Variants in CAST observed in about 807,000 individuals in gnomAD.
CAST encodes calpastatin.
In CAST, 76 loss-of-function variants were observed where a neutral mutation model predicts 119.6. That is an observed-to-expected ratio of 0.64 (90% CI 0.53 to 0.77). The LOEUF is 0.77. CAST is among the 30% of genes least tolerant of loss of function. The pLI is 0.00. For synonymous variants in CAST, 319 were observed against 331.6 expected (o/e 0.96, Z 0.41); for missense variants, 953 against 946.5 (o/e 1.01, Z -0.09).
chr5:96,105,761 G>GGGA, the CAST span, among the ~76,000 whole-genome samples: 1 of 152,198 alleles, frequency 6.6e-6, no homozygotes, highest in Non-Finnish European at 1.5e-5. Context: ...AAATGAGTTA[G>GGGA]GGAGGATTCC....
chr5:96,344,867 C>T, the CAST span, among the ~76,000 whole-genome samples: 12 of 152,128 alleles, frequency 7.9e-5, no homozygotes, highest in African/African-American at 2.7e-4. Flanking sequence ...TTATTGCTTA[C>T]ACAAATAGAG....
the CAST span, chr5:96,421,976 T>G: frequency 1.6e-6 from 1 of 613,350 alleles, no homozygotes. Flanking sequence ...CAACAAAATA[T>G]AACACTGTGG....
At chr5:96,660,047 T>C (rs1029711497), upstream of CAST, among the ~76,000 whole-genome samples, 3 of 152,248 alleles carry the variant, frequency 2.0e-5, no homozygotes, top group Non-Finnish European at 4.4e-5. Flanking sequence ...TATTACCTCT[T>C]ATAGATTTTG....
In CAST at chr5:96,747,175, A is replaced by G. The variant is rs539906448; in HGVS notation, c.1285-170A>G. Among the ~76,000 whole-genome samples, 14 of 152,228 alleles carry G rather than the reference A, an allele frequency of 9.2e-5. 1 individual carries two copies. The highest frequency in any genetic ancestry group is 2.4e-4 in the African/African-American group (10 of 41,538). On this transcript the variant is annotated intron_variant, in intron 17 of 31. Transcript: ENST00000675179. The stretch of plus-strand genomic sequence containing the variant: ...GTAACATCTCGATTTTTATAGCTCA[A>G]CTCCTTTTTTTATACTTTATAAAAA...
At position 96,624,636 on chromosome 5, in the gene CAST, G is replaced by A. The variant is rs188557234; in HGVS notation, c.61-50903G>A. On this transcript the variant is annotated intron_variant, in intron 1 of 11. Transcript: ENST00000505143. ...AATGGGTGGCTGGGGGCACTGTCAC[G>A]TGTCATGAGGCTTCTTAGCATTGCA... Among the ~76,000 whole-genome samples the A allele has an allele frequency of 1.3e-4, 20 of 152,250 alleles. 1 individual carries two copies. In the East Asian group the frequency reaches 3.3e-3, roughly 25 times the overall value.
intron 8 of CAST, among the ~76,000 whole-genome samples, chr5:96,730,375 TA>T (rs1245395254): frequency 2.0e-5 from 3 of 152,252 alleles, no homozygotes; most frequent in Non-Finnish European, 4.4e-5. Flanking sequence ...ACAATGTTGT[TA>T]AAAAATTATT....
At chr5:96,220,089 C>T in the CAST span, among the ~76,000 whole-genome samples, 9 of 152,186 alleles carry the variant, frequency 5.9e-5, no homozygotes, top group Non-Finnish European at 1.5e-5. Context: ...TTTTCCCTGC[C>T]TCTTTGTTGC....
chr5:96,543,198 C>T (rs1170518282), intron 1 of CAST, among the ~76,000 whole-genome samples: 1 of 152,100 alleles, frequency 6.6e-6, no homozygotes. Context: ...GAATACTATG[C>T]AGCCATAAAA....
chr5:96,108,331 TG>T, the CAST span, among the ~76,000 whole-genome samples: 1 of 152,128 alleles, frequency 6.6e-6, no homozygotes, highest in Non-Finnish European at 1.5e-5. Flanking sequence ...TTTTCTGCTC[TG>T]TTTTTTCCCC....
intron 29 of CAST, chr5:96,768,272 A>G (rs989632911): frequency 2.1e-5 from 9 of 427,916 alleles, no homozygotes; most frequent in Non-Finnish European, 2.6e-5. Context: ...TTTTGTAGAG[A>G]GGGGGTTTCG....
the CAST span, among the ~76,000 whole-genome samples, chr5:96,140,101 A>G: frequency 2.0e-5 from 3 of 152,192 alleles, no homozygotes; most frequent in African/African-American, 7.2e-5. Flanking sequence ...CACAGTAGTC[A>G]TTTTGTATTT....
the CAST span, among the ~76,000 whole-genome samples, chr5:96,458,299 A>G: frequency 1.3e-5 from 2 of 152,208 alleles, no homozygotes; most frequent in Non-Finnish European, 2.9e-5. Flanking sequence ...CTTTTACACT[A>G]TGCTGGCAGA....
intron 1 of CAST, among the ~76,000 whole-genome samples, chr5:96,655,557 C>T (rs1237810368): frequency 2.0e-5 from 3 of 152,186 alleles, no homozygotes; most frequent in African/African-American, 7.2e-5. Context: ...AACTGGGATT[C>T]CCCTCTAGAG....
At chr5:95,983,955 C>A in the CAST span, among the ~76,000 whole-genome samples, 3 of 152,054 alleles carry the variant, frequency 2.0e-5, no homozygotes, top group Non-Finnish European at 2.9e-5. Flanking sequence ...AAAATGGGCT[C>A]ATTTAAAAAT....
chr5:96,297,166 G>A, the CAST span, among the ~76,000 whole-genome samples: 7 of 152,272 alleles, frequency 4.6e-5, 1 homozygote, highest in South Asian at 1.5e-3. Flanking sequence ...TTTTGTCACT[G>A]ATGTGTAGCA....
chr5:96,756,204 C>T (rs928629697), intron 22 of CAST, among the ~76,000 whole-genome samples: 1 of 152,200 alleles, frequency 6.6e-6, no homozygotes, highest in Non-Finnish European at 1.5e-5. Flanking sequence ...GGGCAGGCCA[C>T]AACCTCCCCT....
the CAST span, among the ~76,000 whole-genome samples, chr5:96,260,623 C>T: frequency 6.6e-6 from 1 of 152,178 alleles, no homozygotes; most frequent in South Asian, 2.1e-4. Context: ...CAACCACACC[C>T]TGTGGCCCAT....
chr5:96,317,872 T>C, the CAST span, among the ~76,000 whole-genome samples: 12 of 152,190 alleles, frequency 7.9e-5, no homozygotes, highest in Non-Finnish European at 1.5e-4. Flanking sequence ...TTATTCTCAA[T>C]ATGCATCCAC....
intron 1 of CAST, among the ~76,000 whole-genome samples, chr5:96,584,334 G>T (rs997724985): frequency 6.6e-6 from 1 of 152,180 alleles, no homozygotes; most frequent in Non-Finnish European, 1.5e-5. Flanking sequence ...ACCTCCTGCT[G>T]CATGGCCCAG....
Sources: allele counts gnomAD v4.1 joint callset (sites outside exome capture counted in the v4.1 genomes callset), GRCh38; gene constraint gnomAD v4.1.1; transcripts MANE v1.5; gene names NCBI Gene and HGNC (gene_info 2026-07-23, HGNC 2026-07-21).